KIAA0319: variants seen among roughly 807,000 people sequenced by gnomAD.
KIAA0319 encodes dyslexia-associated protein KIAA0319.
KIAA0319 carries 83 observed loss-of-function variants against 108.4 expected under a neutral mutation model. The ratio of observed to expected loss-of-function variants is 0.77; its 90% confidence interval spans 0.64 to 0.92. KIAA0319 has a LOEUF of 0.92. KIAA0319 is among the 40% of genes least tolerant of loss of function. The pLI is 0.00. For synonymous variants in KIAA0319, 484 were observed against 510.4 expected (o/e 0.95, Z 0.70); for missense variants, 1,195 against 1,322.4 (o/e 0.90, Z 1.49).
chr6:24,600,028 T>G (rs534482259), intron 2 of KIAA0319, among the ~76,000 whole-genome samples: 104 of 31,616 alleles, frequency 3.3e-3, no homozygotes, highest in African/African-American at 0.014. Context: ...TTCTGCCAAC[T>G]GCCCAAAAAA....
Position 24,579,920 on chromosome 6 carries a change from A to G in KIAA0319, c.1310T>C (p.Val437Ala). 1.3e-6 allele frequency: 2 copies of G among 1,599,762 alleles called. No individual in the cohort carries two copies. Among genetic ancestry groups the G allele is most frequent in the Non-Finnish European group, 1.7e-6 (2 of 1,172,418 alleles). The change falls in exon 8 of 21, where the codon GTT becomes GCT. Residue 437 changes from valine (V) to alanine (A), a missense_variant. Transcript: ENST00000378214. ...ARRVNLPPVAVVSPQLQELTL... is the reference protein window; with the variant it reads ...ARRVNLPPVAAVSPQLQELTL... ...GAGCTCTTGCAGTTGGGGAGAAACA[A>G]CTGCTACAGGTGGCAGGTTGACTCT...
intron 1 of KIAA0319, among the ~76,000 whole-genome samples, chr6:24,607,404 T>C (rs1457979477): frequency 6.9e-6 from 1 of 144,654 alleles, no homozygotes; most frequent in Non-Finnish European, 1.5e-5. Context: ...CCTAATTTTA[T>C]CTGATAAGTG....
intron 1 of KIAA0319, among the ~76,000 whole-genome samples, chr6:24,640,790 T>C (rs535310899): frequency 2.6e-5 from 4 of 152,130 alleles, no homozygotes; most frequent in Admixed American, 2.6e-4. Context: ...ATAGCTGGGA[T>C]GACAGGCACA....
At chr6:24,559,283 C>T in intron 16 of KIAA0319, 128 bp from the exon 17 acceptor site, 2 of 958,948 alleles carry the variant, frequency 2.1e-6, no homozygotes, top group Non-Finnish European at 3.0e-6. Flanking sequence ...TTGCCAAGGA[C>T]AGGGGCGTAT....
rs373941159 is a variant in KIAA0319, at chr6:24,601,455, T to C, written c.-105-247A>G. Among the ~76,000 whole-genome samples the C allele has an allele frequency of 3.7e-4, 56 of 152,298 alleles. 1 individual carries two copies. The South Asian group carries it at 8.5e-3, about 23-fold the overall frequency. ...TGGAAATAAACGAGGACCAGTCAAA[T>C]GAGAAAAGCAAAGGCTATTTATTCA... On this transcript the variant is annotated intron_variant, in intron 1 of 20. Transcript: ENST00000378214.
intron 3 of KIAA0319, among the ~76,000 whole-genome samples, chr6:24,593,173 C>T (rs1412174080): frequency 6.6e-6 from 1 of 152,040 alleles, no homozygotes; most frequent in Non-Finnish European, 1.5e-5. Flanking sequence ...TTCAACTGAA[C>T]TCCCTCCTTT....
intron 1 of KIAA0319, among the ~76,000 whole-genome samples, chr6:24,618,049 G>C (rs953350154): frequency 1.3e-5 from 2 of 151,492 alleles, no homozygotes; most frequent in African/African-American, 4.9e-5. Context: ...GTTCATGAAG[G>C]GTAGACCAGA....
chr6:24,621,152 C>A (rs1465281742), intron 1 of KIAA0319, among the ~76,000 whole-genome samples: 3 of 152,152 alleles, frequency 2.0e-5, no homozygotes, highest in Admixed American at 2.0e-4. Flanking sequence ...CTTATTTAAG[C>A]CTCAAGGTCT....
At chr6:24,585,066 C>G (rs1262204947) in intron 4 of KIAA0319, among the ~76,000 whole-genome samples, 1 of 152,200 alleles carries the variant, frequency 6.6e-6, no homozygotes, top group African/African-American at 2.4e-5. Flanking sequence ...ATGACCCTTA[C>G]GTCTAGCATA....
At chr6:24,582,196 G>C in intron 6 of KIAA0319, 53 bp downstream of exon 6, 1 of 1,000,056 alleles carries the variant, frequency 1.0e-6, no homozygotes, top group Non-Finnish European at 1.6e-6. Flanking sequence ...TATTAACTGA[G>C]CTCTATGCCG....
chr6:24,568,633 T>G (rs1260547254), intron 13 of KIAA0319, 148 bp downstream of exon 13: 4 of 662,036 alleles, frequency 6.0e-6, no homozygotes, highest in Middle Eastern at 8.8e-4. Context: ...TAGAAGAAAG[T>G]TGGCTTTTTT....
chr6:24,615,292 A>G (rs1389169670), intron 1 of KIAA0319, among the ~76,000 whole-genome samples: 3 of 152,208 alleles, frequency 2.0e-5, no homozygotes, highest in African/African-American at 4.8e-5. Flanking sequence ...ATGAAATTCT[A>G]TGCAGCTCTA....
intron 2 of KIAA0319, among the ~76,000 whole-genome samples, chr6:24,600,010 T>C (rs1436594019): frequency 7.0e-6 from 1 of 142,662 alleles, no homozygotes; most frequent in Non-Finnish European, 1.5e-5. Flanking sequence ...AAATAAACCC[T>C]CAGCTAGTTC....
chr6:24,574,377 C>T (rs896345195), intron 10 of KIAA0319, among the ~76,000 whole-genome samples: 5 of 151,946 alleles, frequency 3.3e-5, no homozygotes, highest in Non-Finnish European at 5.9e-5. Context: ...ATCAAGGCTA[C>T]GGTGAGCCAT....
chr6:24,582,252 A>G lies in KIAA0319; in HGVS notation c.1188T>C (p.Ser396=), dbSNP rs751438584. 7 of 1,568,250 alleles carry G rather than the reference A, an allele frequency of 4.5e-6. No individual in the cohort carries two copies. The highest frequency in any genetic ancestry group is 4.1e-5 in the African/African-American group (3 of 73,912). The change falls in exon 6 of 21, where the codon TCT becomes TCC. Residue 396 remains serine (S), a synonymous_variant. Coordinates refer to ENST00000378214, the MANE Select transcript of KIAA0319 (RefSeq NM_014809.4). ...CAACCAGTCTCCAGTTACTTACTTG[A>G]GAGAGGTTAAGAGTTTGCTTGTGTC... ...KQGHKQTLNL[S]QLSVGLYVFK...
chr6:24,621,970 T>C (rs146968264), intron 1 of KIAA0319, among the ~76,000 whole-genome samples: 2 of 152,218 alleles, frequency 1.3e-5, no homozygotes, highest in East Asian at 1.9e-4. Flanking sequence ...GAGACGGAGA[T>C]CTACCTCCAT....
At chr6:24,583,099 T>A in intron 5 of KIAA0319, 1 of 985,586 alleles carries the variant, frequency 1.0e-6, no homozygotes, top group Non-Finnish European at 1.2e-6. Context: ...AGGTCCCAGG[T>A]CAAATGCTTA....
At position 24,583,648 on chromosome 6, in the gene KIAA0319, T is replaced by C; in HGVS notation, c.1049A>G (p.Asn350Ser). The C allele has an allele frequency of 4.3e-6, 7 of 1,613,984 alleles. No homozygotes were observed. The highest frequency in any genetic ancestry group is 2.2e-5 in the East Asian group (1 of 44,860). ...AACAAAGGCCTTCAGTTCAACTTCATTGTCGGGTAAAGTTATAATTAGGTT... is the reference window on the plus strand; with the variant it reads ...AACAAAGGCCTTCAGTTCAACTTCACTGTCGGGTAAAGTTATAATTAGGTT... ...GDNLIITLPD[N>S]EVELKAFVAP... Residue 350 changes from asparagine (N) to serine (S), a missense_variant, in exon 5 of 21, where the codon AAT becomes AGT. Coordinates refer to ENST00000378214, the MANE Select transcript of KIAA0319 (RefSeq NM_014809.4).
intron 1 of KIAA0319, among the ~76,000 whole-genome samples, chr6:24,629,898 A>G (rs9379676): frequency 0.7 from 106,760 of 151,706 alleles, 38,140 homozygotes; most frequent in East Asian, 0.87. Flanking sequence ...TTTAAATAGC[A>G]TGACAAGGCC....
Sources: gnomAD v4.1 joint callset for allele counts (sites outside exome capture counted in the v4.1 genomes callset) on GRCh38, gnomAD v4.1.1 for gene constraint, MANE v1.5 for transcripts, NCBI Gene and HGNC (gene_info 2026-07-23, HGNC 2026-07-21) for gene names.